Variants in PLCG2 observed in about 807,000 individuals in gnomAD.
PLCG2 encodes the protein 1-phosphatidylinositol 4,5-bisphosphate phosphodiesterase gamma-2.
In PLCG2, 69 loss-of-function variants were observed where a neutral mutation model predicts 175.6. The ratio of observed to expected loss-of-function variants is 0.39; its 90% CI spans 0.32 to 0.48. The LOEUF (loss-of-function observed/expected upper bound fraction) is 0.48. Ranked by LOEUF, PLCG2 falls within the 20% of genes least tolerant of loss-of-function variation. The pLI is 0.91. For synonymous variants in PLCG2, 827 were observed against 624.0 expected (o/e 1.33, Z -4.85); for missense variants, 1,798 against 1,650.9 (o/e 1.09, Z -1.54).
chr16:81,816,045 G>C (rs1421360648), intron 2 of PLCG2, among the ~76,000 whole-genome samples: 1 of 131,916 alleles, frequency 7.6e-6, no homozygotes, highest in Non-Finnish European at 1.6e-5. Context: ...CTGGGTGACA[G>C]AGCATGACTT....
At chr16:81,748,439 A>T (rs536409919) in intron 1 of PLCG2, among the ~76,000 whole-genome samples, 2 of 152,186 alleles carry the variant, frequency 1.3e-5, no homozygotes, top group South Asian at 4.1e-4. Flanking sequence ...GGTGCAGAGC[A>T]GAGTATGCAG....
chr16:81,911,426 C>T (rs1417047084), intron 18 of PLCG2, among the ~76,000 whole-genome samples: 1 of 152,004 alleles, frequency 6.6e-6, no homozygotes, highest in East Asian at 1.9e-4. Context: ...GTTTGGGCTG[C>T]TTGGGTGGAT....
chr16:81,779,326 G>T lies in PLCG2; in HGVS notation c.-146G>T, dbSNP rs1910621425. ...AGCGCCGGCGGCGGAGGGCGTGAGCGGCGCTGAGTGACCCGAGTCGGGACG... is the reference window on the plus strand; with the variant it reads ...AGCGCCGGCGGCGGAGGGCGTGAGCTGCGCTGAGTGACCCGAGTCGGGACG... On this transcript the variant is annotated 5_prime_UTR_variant, in exon 1 of 33. Coordinates refer to ENST00000564138, the MANE Select transcript of PLCG2 (RefSeq NM_002661.5). 2 of 150,704 alleles carry T rather than the reference G, an allele frequency of 1.3e-5. No individual in the cohort carries two copies. Among genetic ancestry groups the T allele is most frequent in the Admixed American group, 1.3e-4 (2 of 15,122 alleles). The allele number at this position is 150,704 out of a possible 1,614,324, so 9.3% of individuals were successfully genotyped here.
At chr16:81,904,563 T>C (rs59187909) in intron 14 of PLCG2, among the ~76,000 whole-genome samples, 8 of 152,106 alleles carry the variant, frequency 5.3e-5, no homozygotes, top group South Asian at 4.1e-4. Context: ...CTAATCCCCA[T>C]TGGGTCCCCC....
At chr16:81,751,308 A>T (rs1909808288) in intron 1 of PLCG2, among the ~76,000 whole-genome samples, 1 of 152,208 alleles carries the variant, frequency 6.6e-6, no homozygotes, top group Non-Finnish European at 1.5e-5. Flanking sequence ...GGCCAGGGAA[A>T]TTCTGTCATT....
chr16:81,855,265 C>T (rs1370315310), intron 3 of PLCG2, among the ~76,000 whole-genome samples: 2 of 151,742 alleles, frequency 1.3e-5, no homozygotes, highest in Non-Finnish European at 2.9e-5. Flanking sequence ...CTCAGCAAAT[C>T]TGATTGATCT....
chr16:81,788,699 A>T (rs78779783), intron 2 of PLCG2, among the ~76,000 whole-genome samples: 25,532 of 152,186 alleles, frequency 0.17, 2,567 homozygotes, highest in Non-Finnish European at 0.23. Context: ...TCCTATCATG[A>T]GTGTGATCAA....
intron 32 of PLCG2, 87 bp downstream of exon 32, chr16:81,956,966 C>T (rs796784731): frequency 2.4e-5 from 28 of 1,164,978 alleles, no homozygotes; most frequent in African/African-American, 2.0e-4. Context: ...TTCTGGAAAG[C>T]CCTCTGAGTT....
rs527630219 is a variant in PLCG2, at chr16:81,902,621, T to A, written c.1362+1841T>A. 1.7e-4 allele frequency among the ~76,000 whole-genome samples: 26 copies of A among 152,228 alleles called. No individual in the cohort carries two copies. The East Asian group carries it at 5.0e-3, about 29-fold the overall frequency. On this transcript the variant is annotated intron_variant, in intron 14 of 32. Transcript: ENST00000564138. ...GGAGCTCTACTCTCATTCCCACTTA[T>A]GAGAGCTCTACCCTCATTCCCATTC...
At chr16:81,796,692 G>GGA (rs1911482865) in intron 2 of PLCG2, among the ~76,000 whole-genome samples, 1 of 152,190 alleles carries the variant, frequency 6.6e-6, no homozygotes, top group East Asian at 1.9e-4. Context: ...TATGAGAAGA[G>GGA]GAGAGAGAGA....
At chr16:81,872,681 A>G (rs776294248) in intron 7 of PLCG2, among the ~76,000 whole-genome samples, 59 of 152,312 alleles carry the variant, frequency 3.9e-4, no homozygotes, top group Non-Finnish European at 7.2e-4. Context: ...CAGACTGCAA[A>G]AGAGTTCCCA....
chr16:81,949,789 ACAAT>A (rs768657194), intron 31 of PLCG2, among the ~76,000 whole-genome samples: 4 of 152,246 alleles, frequency 2.6e-5, no homozygotes, highest in Non-Finnish European at 4.4e-5. Context: ...ATAAAAAATG[ACAAT>A]CAAAAGCTAA....
chr16:81,931,302 A>T, intron 24 of PLCG2, 195 bp from the exon 25 acceptor site: 1 of 467,392 alleles, frequency 2.1e-6, no homozygotes, highest in Non-Finnish European at 3.8e-6. Flanking sequence ...GACCCTACTG[A>T]ATCTACTGCA....
intron 2 of PLCG2, among the ~76,000 whole-genome samples, chr16:81,843,777 T>G (rs1245485869): frequency 3.3e-5 from 5 of 152,178 alleles, no homozygotes; most frequent in Admixed American, 6.5e-5. Flanking sequence ...TGGACCCTGG[T>G]TGGTAGTTTG....
chr16:81,884,900 T>G (rs1908277761), intron 9 of PLCG2, among the ~76,000 whole-genome samples: 1 of 152,144 alleles, frequency 6.6e-6, no homozygotes, highest in Admixed American at 6.5e-5. Context: ...TTTTTTTTGT[T>G]TGAGATAAGG....
chr16:81,756,809 T>G (rs35172672), intron 2 of PLCG2, among the ~76,000 whole-genome samples: 74,724 of 152,116 alleles, frequency 0.49, 19,968 homozygotes, highest in Middle Eastern at 0.6. Flanking sequence ...AGCCTGGCTC[T>G]TCAGTGAGCT....
At chr16:81,908,266 T>C in intron 16 of PLCG2, 150 bp from the exon 17 acceptor site, 1 of 665,420 alleles carries the variant, frequency 1.5e-6, no homozygotes, top group Non-Finnish European at 2.5e-6. Context: ...CAGGTGCTGT[T>C]TTCCCATACC....
At chr16:81,760,265 G>C (rs1910009884) in intron 2 of PLCG2, among the ~76,000 whole-genome samples, 1 of 152,198 alleles carries the variant, frequency 6.6e-6, no homozygotes, top group South Asian at 2.1e-4. Flanking sequence ...CTCGAGTAGA[G>C]CAGTGCCCAC....
At chr16:81,947,974 G>A (rs1911215395) in intron 31 of PLCG2, among the ~76,000 whole-genome samples, 1 of 152,076 alleles carries the variant, frequency 6.6e-6, no homozygotes, top group South Asian at 2.1e-4. Context: ...CTACTTCACA[G>A]ACGACTTTAA....
Sources: gnomAD v4.1 joint callset for allele counts (sites outside exome capture counted in the v4.1 genomes callset) on GRCh38, gnomAD v4.1.1 for gene constraint, MANE v1.5 for transcripts, NCBI Gene and HGNC (gene_info 2026-07-23, HGNC 2026-07-21) for gene names.